The following PTPRT variants were observed in gnomAD, a reference collection of about 807,000 sequenced individuals.
PTPRT encodes the protein receptor-type tyrosine-protein phosphatase T.
In PTPRT, 56 loss-of-function variants were observed where a neutral mutation model predicts 176.8. The observed-to-expected ratio is 0.32, with a 90% CI of 0.26 to 0.40. The LOEUF (loss-of-function observed/expected upper bound fraction) is 0.40, where lower values mean the gene tolerates loss of function less well. PTPRT is among the 10% of genes least tolerant of loss of function. The probability of loss-of-function intolerance (pLI) is 1.00; values close to 1 mark genes in which losing one functional copy is unlikely to be tolerated. For synonymous variants in PTPRT, 783 were observed against 739.0 expected, an observed-to-expected ratio of 1.06 and a Z score of -0.96; for missense variants, 1,540 against 1,908.2, an observed-to-expected ratio of 0.81 and a Z score of 3.60.
chr20:42,112,536 C>G (rs1206209879), intron 22 of PTPRT, among the ~76,000 whole-genome samples: 1 of 151,452 alleles, frequency 6.6e-6, no homozygotes, highest in African/African-American at 2.5e-5. Context: ...ATTTTTTTTA[C>G]CCTTATGGGG....
intron 16 of PTPRT, among the ~76,000 whole-genome samples, chr20:42,165,911 C>T (rs892675875): frequency 9.9e-5 from 15 of 151,968 alleles, no homozygotes; most frequent in Non-Finnish European, 1.5e-4. Context: ...TTAAATAAGG[C>T]GAAAAAGAAC....
intron 9 of PTPRT, among the ~76,000 whole-genome samples, chr20:42,414,700 T>C (rs2059048993): frequency 1.3e-5 from 2 of 152,184 alleles, no homozygotes; most frequent in Admixed American, 1.3e-4. Flanking sequence ...CAAGTGAAAC[T>C]AGAAATCTGA....
chr20:42,097,544 T>C (rs546934207), intron 27 of PTPRT, among the ~76,000 whole-genome samples: 61 of 152,322 alleles, frequency 4.0e-4, no homozygotes, highest in African/African-American at 1.4e-3. Flanking sequence ...ACTTCACTGC[T>C]GACCTCTATT....
intron 1 of PTPRT, among the ~76,000 whole-genome samples, chr20:43,141,707 C>T (rs935243227): frequency 6.6e-6 from 1 of 152,208 alleles, no homozygotes; most frequent in Non-Finnish European, 1.5e-5. Context: ...ACATTTATCA[C>T]ATCAACAGTG....
chr20:42,129,975 G>A (rs1195293520), intron 18 of PTPRT, among the ~76,000 whole-genome samples: 1 of 152,184 alleles, frequency 6.6e-6, no homozygotes, highest in Non-Finnish European at 1.5e-5. Context: ...CAGTGACCCT[G>A]TGGAAGAGAA....
chr20:42,140,442 T>TA lies in PTPRT; in HGVS notation c.2770+1472dup, dbSNP rs372580375. Among the ~76,000 whole-genome samples the TA allele has an allele frequency of 2.7e-3, 404 of 152,326 alleles. 2 individuals are homozygous for TA. Among genetic ancestry groups the TA allele is most frequent in the African/African-American group, 9.5e-3 (396 of 41,568 alleles). On this transcript the variant is annotated intron_variant, in intron 18 of 30. Transcript: ENST00000373187. Reference sequence around the variant, plus strand: ...TTTATTTTACTTTGAAGGCTGTACCTACGAATATTTGGCAGTGACAATACT... The same window carrying TA: ...TTTATTTTACTTTGAAGGCTGTACCTAACGAATATTTGGCAGTGACAATACT...
At chr20:42,386,409 C>T (rs2058744817) in intron 9 of PTPRT, among the ~76,000 whole-genome samples, 1 of 152,116 alleles carries the variant, frequency 6.6e-6, no homozygotes, top group African/African-American at 2.4e-5. Flanking sequence ...TTTGAAGATC[C>T]TCTGGAGGTA....
intron 1 of PTPRT, among the ~76,000 whole-genome samples, chr20:42,957,511 T>C (rs1981714712): frequency 6.6e-6 from 1 of 152,134 alleles, no homozygotes; most frequent in Non-Finnish European, 1.5e-5. Flanking sequence ...CTTTCTCTCC[T>C]CAGGAATAAG....
intron 1 of PTPRT, among the ~76,000 whole-genome samples, chr20:42,939,120 T>A (rs1980388936): frequency 6.6e-6 from 1 of 152,178 alleles, no homozygotes; most frequent in Non-Finnish European, 1.5e-5. Context: ...TCGCTCACAT[T>A]TGCATGGGTC....
intron 7 of PTPRT, among the ~76,000 whole-genome samples, chr20:42,635,937 A>T (rs1339498224): frequency 2.6e-5 from 4 of 152,144 alleles, no homozygotes; most frequent in African/African-American, 9.7e-5. Context: ...AGTTATATAT[A>T]ACTCATAAGA....
chr20:42,581,546 A>G (rs1301245349), intron 7 of PTPRT, among the ~76,000 whole-genome samples: 4 of 141,068 alleles, frequency 2.8e-5, no homozygotes, highest in Non-Finnish European at 6.1e-5. Context: ...AAAAAAAAAA[A>G]GGCTTAAACT....
At chr20:42,111,709 A>C (rs1405250255) in intron 22 of PTPRT, among the ~76,000 whole-genome samples, 1 of 152,238 alleles carries the variant, frequency 6.6e-6, no homozygotes, top group Non-Finnish European at 1.5e-5. Flanking sequence ...TGGATCAGGA[A>C]ACTGAGGCTA....
intron 7 of PTPRT, among the ~76,000 whole-genome samples, chr20:42,559,391 C>T (rs1172235514): frequency 6.6e-6 from 1 of 152,144 alleles, no homozygotes; most frequent in East Asian, 1.9e-4. Context: ...TTATGCAAAG[C>T]AGCTAGTAGA....
intron 9 of PTPRT, among the ~76,000 whole-genome samples, chr20:42,384,022 T>C (rs1399768470): frequency 6.6e-6 from 1 of 152,160 alleles, no homozygotes; most frequent in African/African-American, 2.4e-5. Flanking sequence ...ACAATATGGA[T>C]GGAAGATTTA....
In PTPRT at chr20:42,933,916, A is replaced by T. The variant is rs576484672; in HGVS notation, c.89-47984T>A. On this transcript the variant is annotated intron_variant, in intron 1 of 30. Transcript: ENST00000373187. ...TACAAGCCCAGTGAGCCATACAATC[A>T]TGGTGAATCCCCTATCAGCTCAACA... Among the ~76,000 whole-genome samples the T allele has an allele frequency of 2.6e-5, 4 of 152,366 alleles. No homozygotes were observed. The East Asian group carries it at 5.8e-4, about 22-fold the overall frequency.
intron 12 of PTPRT, among the ~76,000 whole-genome samples, chr20:42,314,542 A>AAAAC (rs11473294): frequency 7.7e-6 from 1 of 129,904 alleles, no homozygotes. Flanking sequence ...AAAAAAAAAA[A>AAAAC]GAAAGAAAAG....
intron 22 of PTPRT, among the ~76,000 whole-genome samples, chr20:42,113,645 C>T (rs1987129382): frequency 6.6e-6 from 1 of 152,220 alleles, no homozygotes; most frequent in Non-Finnish European, 1.5e-5. Context: ...CAGCTCTAGG[C>T]TAGACTTCAC....
chr20:42,988,567 A>G (rs1983725986), intron 1 of PTPRT, among the ~76,000 whole-genome samples: 1 of 152,180 alleles, frequency 6.6e-6, no homozygotes, highest in Non-Finnish European at 1.5e-5. Context: ...TGACAGGTTC[A>G]TGACGGCCAA....
chr20:42,767,432 AG>A (rs1315256189), intron 5 of PTPRT, among the ~76,000 whole-genome samples: 1 of 152,088 alleles, frequency 6.6e-6, no homozygotes, highest in African/African-American at 2.4e-5. Flanking sequence ...AACTTGGACT[AG>A]AATTACACCA....
Sources: allele counts gnomAD v4.1 joint callset (sites outside exome capture counted in the v4.1 genomes callset), GRCh38; gene constraint gnomAD v4.1.1; transcripts MANE v1.5; gene names NCBI Gene and HGNC (gene_info 2026-07-23, HGNC 2026-07-21).